HS6ST3: variants seen among roughly 807,000 people sequenced by gnomAD.
HS6ST3 encodes heparan-sulfate 6-O-sulfotransferase 3.
A neutral mutation model predicts 36.7 loss-of-function variants in HS6ST3; 12 were observed. The ratio of observed to expected loss-of-function variants is 0.33; its 90% CI spans 0.21 to 0.53. The LOEUF (loss-of-function observed/expected upper bound fraction) is 0.53. Among genes scored for constraint, HS6ST3 ranks in the 20% least tolerant of loss-of-function variants. The pLI, the probability that HS6ST3 is intolerant of heterozygous loss-of-function variation, is 0.95. For synonymous variants in HS6ST3, 240 were observed against 257.5 expected (o/e 0.93, Z 0.65); for missense variants, 584 against 640.9 (o/e 0.91, Z 0.96).
intron 1 of HS6ST3, among the ~76,000 whole-genome samples, chr13:96,607,262 G>C (rs1594817177): frequency 1.3e-5 from 2 of 152,294 alleles, no homozygotes; most frequent in African/African-American, 4.8e-5. Context: ...ACATCTTTCA[G>C]CATCAATGCT....
At chr13:96,601,265 A>T (rs1306540679) in intron 1 of HS6ST3, among the ~76,000 whole-genome samples, 5 of 152,210 alleles carry the variant, frequency 3.3e-5, no homozygotes, top group Admixed American at 3.3e-4. Flanking sequence ...AGTTTTTTTC[A>T]AACTTTTAAC....
chr13:96,114,027 A>G (rs756091744), intron 1 of HS6ST3, among the ~76,000 whole-genome samples: 33 of 152,304 alleles, frequency 2.2e-4, no homozygotes, highest in Non-Finnish European at 4.7e-4. Flanking sequence ...AATAGTATCT[A>G]TTTAGTGATC....
intron 1 of HS6ST3, among the ~76,000 whole-genome samples, chr13:96,790,931 G>A (rs1877772524): frequency 6.6e-6 from 1 of 151,954 alleles, no homozygotes; most frequent in Admixed American, 6.6e-5. Flanking sequence ...TCCTATATGT[G>A]TAATAAAATT....
chr13:96,514,813 G>T (rs1389555252), intron 1 of HS6ST3, among the ~76,000 whole-genome samples: 1 of 152,198 alleles, frequency 6.6e-6, no homozygotes, highest in African/African-American at 2.4e-5. Context: ...TGATCTTGAA[G>T]AGGAGTTATT....
chr13:96,260,234 CCTT>C (rs2054657551), intron 1 of HS6ST3, among the ~76,000 whole-genome samples: 1 of 27,956 alleles, frequency 3.6e-5, no homozygotes. Flanking sequence ...TTTTTCCCTT[CCTT>C]CCTTCCTTCC....
Position 96,588,983 on chromosome 13 carries a change from G to A in HS6ST3, c.708-243507G>A, listed in dbSNP as rs1189101525. On this transcript the variant is annotated intron_variant, in intron 1 of 1. Coordinates refer to ENST00000376705, the MANE Select transcript of HS6ST3 (RefSeq NM_153456.4). ...GGAGAATCACTTGAATCTGGGAGGC[G>A]GAGGTTGCAGTGAGCCAAGATAGCA... is the stretch of plus-strand genomic sequence containing the variant. Among the ~76,000 whole-genome samples the A allele has an allele frequency of 5.3e-5, 8 of 151,178 alleles. No individual in the cohort carries two copies. In the South Asian group the frequency reaches 6.3e-4, roughly 12 times the overall value.
intron 1 of HS6ST3, among the ~76,000 whole-genome samples, chr13:96,225,823 A>G (rs1443751486): frequency 6.6e-6 from 1 of 152,212 alleles, no homozygotes; most frequent in Non-Finnish European, 1.5e-5. Context: ...AAAGAATCGA[A>G]ACTAAATTTC....
At chr13:96,640,859 G>T (rs147048147) in intron 1 of HS6ST3, among the ~76,000 whole-genome samples, 1 of 151,912 alleles carries the variant, frequency 6.6e-6, no homozygotes, top group Non-Finnish European at 1.5e-5. Context: ...TTAGATGGGC[G>T]TAGGTGTGTA....
At chr13:96,779,769 T>TAAAA (rs35417653) in intron 1 of HS6ST3, among the ~76,000 whole-genome samples, 7 of 141,210 alleles carry the variant, frequency 5.0e-5, no homozygotes, top group Non-Finnish European at 4.7e-5. Flanking sequence ...TATATTTACT[T>TAAAA]AAAAAAAAAA....
chr13:96,752,326 T>A (rs1378689438), intron 1 of HS6ST3, among the ~76,000 whole-genome samples: 1 of 152,164 alleles, frequency 6.6e-6, no homozygotes, highest in East Asian at 1.9e-4. Context: ...TGCATCACCG[T>A]GTAATGGGCT....
At chr13:96,144,774 A>C in intron 1 of HS6ST3, among the ~76,000 whole-genome samples, 2 of 132,460 alleles carry the variant, frequency 1.5e-5, no homozygotes, top group South Asian at 2.8e-4. Flanking sequence ...ATATCACCTA[A>C]TGCTCTCCCT....
intron 1 of HS6ST3, among the ~76,000 whole-genome samples, chr13:96,691,772 T>G (rs1161890743): frequency 1.3e-5 from 2 of 152,130 alleles, no homozygotes; most frequent in Admixed American, 1.3e-4. Context: ...AGAAATTAAC[T>G]CTTACATGAG....
intron 1 of HS6ST3, among the ~76,000 whole-genome samples, chr13:96,259,690 C>T (rs1036017014): frequency 6.6e-5 from 10 of 152,174 alleles, no homozygotes; most frequent in African/African-American, 2.4e-5. Flanking sequence ...CTGTCTGCCT[C>T]ATGTCTTTAT....
intron 1 of HS6ST3, among the ~76,000 whole-genome samples, chr13:96,092,907 T>G (rs751289730): frequency 6.6e-6 from 1 of 152,210 alleles, no homozygotes; most frequent in Non-Finnish European, 1.5e-5. Context: ...GGAATTAGGC[T>G]CTTCTCTTAG....
intron 1 of HS6ST3, among the ~76,000 whole-genome samples, chr13:96,448,054 A>T (rs559601669): frequency 2.0e-5 from 3 of 152,182 alleles, no homozygotes; most frequent in Admixed American, 6.5e-5. Flanking sequence ...TTTTATCATC[A>T]TGGAGGCTTC....
intron 1 of HS6ST3, among the ~76,000 whole-genome samples, chr13:96,125,134 G>A (rs1252476084): frequency 6.6e-6 from 1 of 152,044 alleles, no homozygotes; most frequent in African/African-American, 2.4e-5. Flanking sequence ...ATACTGCAAG[G>A]GTATCTGAGG....
intron 1 of HS6ST3, among the ~76,000 whole-genome samples, chr13:96,787,021 C>A (rs1055422501): frequency 2.6e-5 from 4 of 152,110 alleles, no homozygotes; most frequent in African/African-American, 9.7e-5. Context: ...TAGCATATTT[C>A]CCTTGAGGTC....
chr13:96,349,616 C>T (rs2139430325), intron 1 of HS6ST3, among the ~76,000 whole-genome samples: 1 of 152,226 alleles, frequency 6.6e-6, no homozygotes, highest in East Asian at 1.9e-4. Context: ...TTTTAGCTTG[C>T]CAGTGATGTT....
intron 1 of HS6ST3, among the ~76,000 whole-genome samples, chr13:96,681,211 C>T (rs1390306892): frequency 3.3e-5 from 5 of 152,126 alleles, no homozygotes; most frequent in African/African-American, 7.2e-5. Context: ...CTATGCTTTA[C>T]GTTGATCATG....
Sources: gnomAD v4.1 joint callset for allele counts (sites outside exome capture counted in the v4.1 genomes callset) on GRCh38, gnomAD v4.1.1 for gene constraint, MANE v1.5 for transcripts, NCBI Gene and HGNC (gene_info 2026-07-23, HGNC 2026-07-21) for gene names.